The following ASCC1 variants were observed in gnomAD, a reference collection of about 807,000 sequenced individuals.
ASCC1 encodes the protein activating signal cointegrator 1 complex subunit 1, also known as ASC-1 complex subunit P50.
Under a neutral mutation model 46.6 loss-of-function variants are expected in ASCC1, and 35 were observed. That is an observed-to-expected ratio of 0.75 (90% CI 0.57 to 0.99). The LOEUF is 0.99. Ranked by LOEUF, ASCC1 falls within the 50% of genes least tolerant of loss-of-function variation. The pLI is 0.00. For synonymous variants in ASCC1, 143 were observed against 146.6 expected, an observed-to-expected ratio of 0.98 and a Z score of 0.18; for missense variants, 376 against 428.7, an observed-to-expected ratio of 0.88 and a Z score of 1.09.
rs1859274944 is a variant in ASCC1 at position 72,216,219 on chromosome 10, G to C, written c.-46C>G. On this transcript the variant is annotated 5_prime_UTR_variant, in exon 1 of 10. Coordinates refer to ENST00000672957, the MANE Select transcript of ASCC1 (RefSeq NM_001198800.3). ...CCCAGGATCCTACCTGCAGGGACTA[G>C]AAAAATGGAGAAGGTAGGAGGAGAA... is the stretch of plus-strand genomic sequence containing the variant. The C allele has an allele frequency of 6.4e-6, 1 of 155,918 alleles. No homozygotes were observed. Among genetic ancestry groups the C allele is most frequent in the Non-Finnish European group, 1.4e-5 (1 of 70,286 alleles). 9.7% of individuals were successfully genotyped at this position (155,918 alleles called of 1,614,324 possible).
At chr10:72,179,821 AG>A in intron 5 of ASCC1, among the ~76,000 whole-genome samples, 1 of 152,344 alleles carries the variant, frequency 6.6e-6, no homozygotes, top group South Asian at 2.1e-4. Context: ...TGGGACACTC[AG>A]GCTAATTTAC....
chr10:72,151,696 T>A (rs530612390), intron 7 of ASCC1, among the ~76,000 whole-genome samples: 45 of 143,808 alleles, frequency 3.1e-4, no homozygotes, highest in Non-Finnish European at 6.7e-4. Context: ...TCTTTTTAAA[T>A]TTTTTTTTTT....
intron 7 of ASCC1, among the ~76,000 whole-genome samples, chr10:72,144,306 A>T (rs1847391841): frequency 6.6e-6 from 1 of 152,198 alleles, no homozygotes. Context: ...CATGTCTGAT[A>T]TTAATTCAGT....
chr10:72,190,500 TC>T, intron 5 of ASCC1: 1 of 1,590,168 alleles, frequency 6.3e-7, no homozygotes, highest in Non-Finnish European at 8.5e-7. Context: ...GGCCATAAGT[TC>T]CACCACACTA....
rs1219923991 is a variant in ASCC1, at chr10:72,216,217, T to C, written c.-44A>G. Reference sequence around the variant, plus strand: ...CCCCCAGGATCCTACCTGCAGGGACTAGAAAAATGGAGAAGGTAGGAGGAG... The same window carrying C: ...CCCCCAGGATCCTACCTGCAGGGACCAGAAAAATGGAGAAGGTAGGAGGAG... On this transcript the variant is annotated 5_prime_UTR_variant, in exon 1 of 10. Transcript: ENST00000672957. 1 of 155,524 alleles carries C rather than the reference T, an allele frequency of 6.4e-6. No individual in the cohort carries two copies. The highest frequency in any genetic ancestry group is 2.4e-5 in the African/African-American group (1 of 41,412). The allele number at this position is 155,524 out of a possible 1,614,324, so 9.6% of individuals were successfully genotyped here.
At chr10:72,166,439 C>G (rs1301459431) in intron 5 of ASCC1, among the ~76,000 whole-genome samples, 1 of 151,502 alleles carries the variant, frequency 6.6e-6, no homozygotes, top group Non-Finnish European at 1.5e-5. Context: ...TCAAGACCAG[C>G]CTGGCAAACA....
intron 9 of ASCC1, among the ~76,000 whole-genome samples, chr10:72,098,412 G>A (rs560706203): frequency 1.3e-5 from 2 of 152,342 alleles, no homozygotes; most frequent in South Asian, 2.1e-4. Flanking sequence ...CCAGGCTGGA[G>A]TGCCTTGGAT....
intron 6 of ASCC1, among the ~76,000 whole-genome samples, chr10:72,161,208 G>A (rs1273424021): frequency 1.3e-5 from 2 of 150,928 alleles, no homozygotes; most frequent in East Asian, 3.9e-4. Flanking sequence ...AAGAAACACA[G>A]TGTTTCTAAA....
At chr10:72,119,731 A>C (rs919519175) in intron 9 of ASCC1, among the ~76,000 whole-genome samples, 1 of 151,908 alleles carries the variant, frequency 6.6e-6, no homozygotes, top group East Asian at 1.9e-4. Flanking sequence ...AAAAAAAAAA[A>C]CCAACACAAC....
intron 5 of ASCC1, among the ~76,000 whole-genome samples, chr10:72,177,836 T>C (rs982821014): frequency 6.6e-6 from 1 of 152,234 alleles, no homozygotes; most frequent in Non-Finnish European, 1.5e-5. Flanking sequence ...GTGCAGCTTA[T>C]CTGCAGATCA....
intron 4 of ASCC1, among the ~76,000 whole-genome samples, chr10:72,199,383 C>T (rs1426115740): frequency 5.3e-5 from 8 of 151,112 alleles, no homozygotes; most frequent in African/African-American, 7.3e-5. Flanking sequence ...CTGCAACCTC[C>T]GCCTCCCGGG....
At chr10:72,106,597 A>T (rs1189271345) in intron 9 of ASCC1, among the ~76,000 whole-genome samples, 1 of 152,094 alleles carries the variant, frequency 6.6e-6, no homozygotes, top group East Asian at 1.9e-4. Context: ...CCTATGAGGG[A>T]TGGTATGAAC....
chr10:72,131,560 T>C (rs1296811590), intron 8 of ASCC1, among the ~76,000 whole-genome samples: 2 of 152,124 alleles, frequency 1.3e-5, no homozygotes, highest in Non-Finnish European at 1.5e-5. Context: ...TATTTGAAGC[T>C]CTCTTAATCT....
chr10:72,192,680 G>A (rs1473202500), intron 5 of ASCC1, among the ~76,000 whole-genome samples: 1 of 152,064 alleles, frequency 6.6e-6, no homozygotes, highest in Non-Finnish European at 1.5e-5. Flanking sequence ...TTTTAGTAGA[G>A]ATCGGATTTC....
At chr10:72,129,744 TGCAGTGAGCCAA>T (rs779166774) in intron 8 of ASCC1, among the ~76,000 whole-genome samples, 31 of 151,682 alleles carry the variant, frequency 2.0e-4, no homozygotes, top group Non-Finnish European at 3.7e-4. Flanking sequence ...AGGCGGAGGT[TGCAGTGAGCCAA>T]GATTGCACCA....
chr10:72,099,735 G>A (rs113199517), intron 9 of ASCC1, among the ~76,000 whole-genome samples: 6 of 152,192 alleles, frequency 3.9e-5, no homozygotes, highest in East Asian at 1.9e-4. Flanking sequence ...GAGGAGAATC[G>A]CTTGAACCTG....
chr10:72,102,201 A>G, intron 9 of ASCC1: 1 of 733,768 alleles, frequency 1.4e-6, no homozygotes, highest in Non-Finnish European at 2.3e-6. Context: ...GAGATGGAAA[A>G]ATCAGTGATG....
intron 9 of ASCC1, among the ~76,000 whole-genome samples, chr10:72,126,717 T>C (rs1844903223): frequency 6.6e-6 from 1 of 152,216 alleles, no homozygotes; most frequent in Non-Finnish European, 1.5e-5. Flanking sequence ...TAATTCATTG[T>C]GATACTGGAA....
At chr10:72,179,136 T>C (rs1040939559) in intron 5 of ASCC1, among the ~76,000 whole-genome samples, 2 of 152,140 alleles carry the variant, frequency 1.3e-5, no homozygotes, top group African/African-American at 4.8e-5. Context: ...TGTTGTTTCC[T>C]GAGACAGGAT....
Sources: gnomAD v4.1 joint callset for allele counts (sites outside exome capture counted in the v4.1 genomes callset) on GRCh38, gnomAD v4.1.1 for gene constraint, MANE v1.5 for transcripts, NCBI Gene and HGNC (gene_info 2026-07-23, HGNC 2026-07-21) for gene names.